ANAPC5: variants seen among roughly 807,000 people sequenced by gnomAD.
ANAPC5 encodes anaphase promoting complex subunit 5, also known as anaphase-promoting complex subunit 5.
In ANAPC5, 60 loss-of-function variants were observed where a neutral mutation model predicts 91.3. The observed-to-expected ratio is 0.66, with a 90% confidence interval of 0.53 to 0.81. The LOEUF is 0.81. Ranked by LOEUF, ANAPC5 falls within the 40% of genes least tolerant of loss-of-function variation. The pLI is 0.00. For missense variants in ANAPC5, 690 were observed against 931.5 expected (o/e 0.74, Z 3.37); for synonymous variants, 340 against 364.1 (o/e 0.93, Z 0.75).
At position 121,347,818 on chromosome 12, in the gene ANAPC5, T is replaced by C; in HGVS notation, c.271A>G (p.Asn91Asp). 1 of 1,613,226 alleles carries C rather than the reference T, an allele frequency of 6.2e-7. No individual in the cohort carries two copies. Among genetic ancestry groups the C allele is most frequent in the African/African-American group, 1.3e-5 (1 of 75,028 alleles). Residue 91 changes from asparagine to aspartate, a missense_variant, in exon 2 of 17, where the codon AAT becomes GAT. By Grantham distance (23) the Asn-to-Asp change is conservative (BLOSUM62 1). Around this residue, in one of 5 missense-constraint regions of ANAPC5, gnomAD observed 238 missense variants for 264.9 expected, o/e 0.90. Transcript: ENST00000261819. ...LIEESCPQLA[N>D]SVQIRIKLMA... ...GAAGTTTACCTGATCTGCACTGAAT[T>C]TGCCAGCTGTGGACAAGACTCTTCA...
intron 15 of ANAPC5, among the ~76,000 whole-genome samples, chr12:121,310,643 T>A (rs928426007): frequency 6.6e-6 from 1 of 151,586 alleles, no homozygotes; most frequent in Non-Finnish European, 1.5e-5. Context: ...ATATGACATA[T>A]AGAAAACAAG....
At chr12:121,317,728 T>G (rs1424015293) in intron 15 of ANAPC5, among the ~76,000 whole-genome samples, 1 of 152,236 alleles carries the variant, frequency 6.6e-6, no homozygotes, top group Non-Finnish European at 1.5e-5. Flanking sequence ...TTGGAGAACC[T>G]CCACTTTAAT....
At chr12:121,315,374 A>G (rs367550046) in intron 15 of ANAPC5, among the ~76,000 whole-genome samples, 5 of 152,266 alleles carry the variant, frequency 3.3e-5, no homozygotes, top group African/African-American at 1.2e-4. Flanking sequence ...AAACTGACCT[A>G]CAGATTCAAA....
chr12:121,350,183 C>G (rs782041455), intron 1 of ANAPC5, among the ~76,000 whole-genome samples: 34 of 152,090 alleles, frequency 2.2e-4, no homozygotes, highest in Non-Finnish European at 4.7e-4. Context: ...ATGCCCCTCA[C>G]CCACAAATAC....
At chr12:121,343,577 C>A (rs1566195998) in intron 4 of ANAPC5, among the ~76,000 whole-genome samples, 1 of 152,182 alleles carries the variant, frequency 6.6e-6, no homozygotes, top group South Asian at 2.1e-4. Context: ...TTCCACCAGA[C>A]AAGAAGCATT....
At chr12:121,346,751 A>G in intron 3 of ANAPC5, 145 bp downstream of exon 3, 4 of 504,832 alleles carry the variant, frequency 7.9e-6, no homozygotes. Flanking sequence ...AGATCAAAAC[A>G]GTAAGGCAAT....
chr12:121,328,592 C>A, intron 9 of ANAPC5, 95 bp from the exon 10 acceptor site: 1 of 1,162,378 alleles, frequency 8.6e-7, no homozygotes, highest in East Asian at 2.4e-5. Context: ...CATTTCAGCA[C>A]ATGCACAGTG....
At chr12:121,352,718 T>TTGGTGGTGGTGGTGG (rs377308371), upstream of ANAPC5, among the ~76,000 whole-genome samples, 47 of 102,426 alleles carry the variant, frequency 4.6e-4, 3 homozygotes, top group Middle Eastern at 4.5e-3. Context: ...GTTGTTGTTG[T>TTGGTGGTGGTGGTGG]TGGTGGTGGT....
At chr12:121,322,829 C>T (rs1288513115) in intron 11 of ANAPC5, among the ~76,000 whole-genome samples, 1 of 152,056 alleles carries the variant, frequency 6.6e-6, no homozygotes, top group Non-Finnish European at 1.5e-5. Context: ...TTGAGACCAG[C>T]CTGGCCAACA....
chr12:121,320,938 C>T (rs1902578278), intron 11 of ANAPC5: 2 of 151,184 alleles, frequency 1.3e-5, no homozygotes, highest in African/African-American at 2.4e-5. Context: ...TATTTAAAGG[C>T]TAATACAATT....
chr12:121,309,703 T>C lies in ANAPC5; in HGVS notation c.2054A>G (p.Glu685Gly), dbSNP rs1902078937. 6.2e-7 allele frequency: 1 copy of C among 1,613,452 alleles called. No homozygotes were observed. The highest frequency in any genetic ancestry group is 1.7e-5 in the Admixed American group (1 of 59,896). The change falls in exon 16 of 17, where the codon GAA (glutamate) becomes GGA (glycine). Residue 685 changes from glutamate (E) to glycine (G), a missense_variant and splice_region_variant. Glu to Gly is a moderately conservative substitution (Grantham distance 98). This residue lies in a region of ANAPC5 where 317 missense variants were observed against 438.7 expected (regional missense o/e 0.72). Transcript: ENST00000261819. Reference sequence around the variant, plus strand: ...ACAGTCTTCGTACAGCTTCCTACCTTCTGCTTTCTTCGGCTGATCGTAGGA... The same window carrying C: ...ACAGTCTTCGTACAGCTTCCTACCTCCTGCTTTCTTCGGCTGATCGTAGGA... ...AASYDQPKKA[E>G]ALEAAIENLN...
At chr12:121,351,648 G>A (rs988978645) in intron 1 of ANAPC5, among the ~76,000 whole-genome samples, 1 of 151,908 alleles carries the variant, frequency 6.6e-6, no homozygotes, top group African/African-American at 2.4e-5. Flanking sequence ...TAGTAGAGAC[G>A]GGGTTTCACT....
chr12:121,333,790 A>G (rs1170605439), intron 7 of ANAPC5: 4 of 152,138 alleles, frequency 2.6e-5, no homozygotes, highest in African/African-American at 7.2e-5. Context: ...CCCTCAATCA[A>G]TCTAAGCTCT....
At chr12:121,341,150 G>A (rs1456173967) in intron 5 of ANAPC5, among the ~76,000 whole-genome samples, 4 of 150,624 alleles carry the variant, frequency 2.7e-5, no homozygotes, top group African/African-American at 9.8e-5. Context: ...GTGACAGAGT[G>A]AGACTCCGTC....
chr12:121,340,349 C>T (rs1438380831), intron 5 of ANAPC5, among the ~76,000 whole-genome samples: 2 of 150,780 alleles, frequency 1.3e-5, no homozygotes, highest in African/African-American at 4.9e-5. Context: ...ATGTGTAGCT[C>T]ATTCTAGCCT....
chr12:121,337,248 T>G, intron 6 of ANAPC5, 43 bp downstream of exon 6: 1 of 1,528,274 alleles, frequency 6.5e-7, no homozygotes, highest in South Asian at 1.1e-5. Context: ...AGTTGCCTTG[T>G]CATTCCTTTC....
At chr12:121,325,829 T>C (rs1479569679) in intron 11 of ANAPC5, among the ~76,000 whole-genome samples, 1 of 152,222 alleles carries the variant, frequency 6.6e-6, no homozygotes, top group Non-Finnish European at 1.5e-5. Flanking sequence ...ATCGTGCCAC[T>C]GCACTCCAGA....
chr12:121,349,047 T>C (rs1903782873), intron 1 of ANAPC5, among the ~76,000 whole-genome samples: 2 of 152,056 alleles, frequency 1.3e-5, no homozygotes, highest in Non-Finnish European at 2.9e-5. Context: ...GGCAGATTAC[T>C]TGAGGTCAGG....
At chr12:121,349,747 GCC>G (rs1339520918) in intron 1 of ANAPC5, among the ~76,000 whole-genome samples, 25 of 140,652 alleles carry the variant, frequency 1.8e-4, no homozygotes, top group Non-Finnish European at 3.8e-4. Context: ...GGAGACGGAT[GCC>G]CAGGCTGGAG....
Sources: gnomAD v4.1 joint callset for allele counts (sites outside exome capture counted in the v4.1 genomes callset) on GRCh38, gnomAD v4.1.1 for gene constraint, gnomAD v4.1.1 regional missense constraint, MANE v1.5 for transcripts, NCBI Gene and HGNC (gene_info 2026-07-23, HGNC 2026-07-21) for gene names.